Variants in LRP1B observed in about 807,000 individuals in gnomAD.
LRP1B encodes the protein low-density lipoprotein receptor-related protein 1B.
In LRP1B, 217 loss-of-function variants were observed where a neutral mutation model predicts 556.6. The ratio of observed to expected loss-of-function variants is 0.39; its 90% CI spans 0.35 to 0.44. The LOEUF is 0.44. Among genes scored for constraint, LRP1B ranks in the 20% least tolerant of loss-of-function variants. LRP1B has a pLI of 1.00. For missense variants in LRP1B, 5,053 were observed against 5,620.8 expected (o/e 0.90, Z 3.23); for synonymous variants, 2,047 against 1,865.8 (o/e 1.10, Z -2.50).
chr2:140,722,831 C>T (rs1687462222), intron 35 of LRP1B, among the ~76,000 whole-genome samples: 1 of 152,122 alleles, frequency 6.6e-6, no homozygotes, highest in Admixed American at 6.5e-5. Flanking sequence ...ATCACGAGGT[C>T]AGGAGATCGA....
At chr2:141,379,658 C>G (rs930503159) in intron 3 of LRP1B, among the ~76,000 whole-genome samples, 1 of 152,168 alleles carries the variant, frequency 6.6e-6, no homozygotes, top group Non-Finnish European at 1.5e-5. Context: ...ACTTATCTAG[C>G]ACCCCAACTT....
At chr2:141,244,107 T>C (rs1449334868) in intron 5 of LRP1B, among the ~76,000 whole-genome samples, 1 of 152,180 alleles carries the variant, frequency 6.6e-6, no homozygotes, top group East Asian at 1.9e-4. Flanking sequence ...GTTGCACTAG[T>C]TCAGCACCTT....
At chr2:141,876,914 G>T (rs76188296) in intron 1 of LRP1B, among the ~76,000 whole-genome samples, 2 of 151,846 alleles carry the variant, frequency 1.3e-5, no homozygotes, top group Non-Finnish European at 2.9e-5. Context: ...ATAGACTTTG[G>T]CATTGAATCA....
intron 66 of LRP1B, among the ~76,000 whole-genome samples, chr2:140,428,544 A>G (rs543280540): frequency 2.0e-5 from 3 of 152,250 alleles, no homozygotes; most frequent in African/African-American, 2.4e-5. Flanking sequence ...CCACTCCCAG[A>G]GGCCCTGGAA....
intron 32 of LRP1B, among the ~76,000 whole-genome samples, chr2:140,799,460 AC>A (rs1690428881): frequency 6.6e-6 from 1 of 152,202 alleles, no homozygotes. Flanking sequence ...TCGAAAAAAT[AC>A]ATTTCTGTTG....
chr2:140,428,362 A>G (rs1168263787), intron 66 of LRP1B, among the ~76,000 whole-genome samples: 2 of 152,158 alleles, frequency 1.3e-5, no homozygotes, highest in Non-Finnish European at 2.9e-5. Context: ...CCAAACGCCT[A>G]AACCGCAGTG....
At chr2:140,629,889 T>C (rs902309047) in intron 41 of LRP1B, among the ~76,000 whole-genome samples, 6 of 152,102 alleles carry the variant, frequency 3.9e-5, no homozygotes, top group African/African-American at 1.4e-4. Context: ...GAAACACAGG[T>C]AGTGCTAAAA....
intron 66 of LRP1B, among the ~76,000 whole-genome samples, chr2:140,406,540 TACA>T (rs1243443233): frequency 4.6e-5 from 7 of 152,066 alleles, no homozygotes; most frequent in Admixed American, 3.3e-4. Flanking sequence ...AGCACTGCTA[TACA>T]ACAACAGTGA....
chr2:141,340,510 T>C (rs1163174838), intron 3 of LRP1B, among the ~76,000 whole-genome samples: 1 of 152,142 alleles, frequency 6.6e-6, no homozygotes, highest in Non-Finnish European at 1.5e-5. Context: ...AAAGCAAAAA[T>C]GCCTTTAATA....
chr2:140,353,840 A>G (rs143076542), intron 75 of LRP1B, among the ~76,000 whole-genome samples: 48 of 152,124 alleles, frequency 3.2e-4, no homozygotes, highest in African/African-American at 1.2e-3. Flanking sequence ...GCACATCTCT[A>G]ACACACTTCT....
intron 2 of LRP1B, among the ~76,000 whole-genome samples, chr2:141,528,981 A>C (rs1383452283): frequency 1.3e-5 from 2 of 152,218 alleles, no homozygotes; most frequent in Non-Finnish European, 2.9e-5. Flanking sequence ...TCTAAAGAAC[A>C]AAATGTCTTA....
intron 2 of LRP1B, among the ~76,000 whole-genome samples, chr2:141,622,108 C>T (rs1688525540): frequency 6.6e-6 from 1 of 152,100 alleles, no homozygotes; most frequent in African/African-American, 2.4e-5. Context: ...TCAGGCAGGT[C>T]TTGAACTCCC....
intron 66 of LRP1B, among the ~76,000 whole-genome samples, chr2:140,438,344 T>C (rs1230553788): frequency 6.6e-6 from 1 of 152,054 alleles, no homozygotes; most frequent in Non-Finnish European, 1.5e-5. Context: ...GCTTTAACTT[T>C]AGGAAAAAAG....
chr2:141,890,076 C>A (rs1167981132), intron 1 of LRP1B, among the ~76,000 whole-genome samples: 1 of 150,918 alleles, frequency 6.6e-6, no homozygotes, highest in Non-Finnish European at 1.5e-5. Flanking sequence ...AGTCTCTGTC[C>A]CCTTAATCTG....
chr2:140,689,764 C>T (rs1344850789), intron 41 of LRP1B, among the ~76,000 whole-genome samples: 2 of 152,110 alleles, frequency 1.3e-5, no homozygotes, highest in African/African-American at 4.8e-5. Flanking sequence ...TATAATAATT[C>T]CAGAGCCAAC....
At chr2:141,504,939 T>C (rs962819728) in intron 2 of LRP1B, among the ~76,000 whole-genome samples, 2 of 152,160 alleles carry the variant, frequency 1.3e-5, no homozygotes, top group African/African-American at 4.8e-5. Flanking sequence ...GCCTAATGGC[T>C]AACATATTTG....
At chr2:141,472,443 G>T (rs1192695734) in intron 3 of LRP1B, among the ~76,000 whole-genome samples, 1 of 152,142 alleles carries the variant, frequency 6.6e-6, no homozygotes, top group Non-Finnish European at 1.5e-5. Flanking sequence ...GGGAGGCTGA[G>T]GCAGGAGAAT....
intron 2 of LRP1B, among the ~76,000 whole-genome samples, chr2:141,586,182 A>C (rs1352806582): frequency 6.6e-6 from 1 of 152,156 alleles, no homozygotes; most frequent in Non-Finnish European, 1.5e-5. Context: ...GAAATGCTTG[A>C]CAGGTATTTT....
chr2:141,190,435 T>C (rs4954894), intron 6 of LRP1B, among the ~76,000 whole-genome samples: 44,149 of 151,796 alleles, frequency 0.29, 7,116 homozygotes, highest in East Asian at 0.68. Context: ...ACTTGAGTAT[T>C]TTTTGATCAG....
Sources: allele counts gnomAD v4.1 joint callset (sites outside exome capture counted in the v4.1 genomes callset), GRCh38; gene constraint gnomAD v4.1.1; transcripts MANE v1.5; gene names NCBI Gene and HGNC (gene_info 2026-07-23, HGNC 2026-07-21).